ZNF544: variants seen among roughly 807,000 people sequenced by gnomAD.
ZNF544 encodes zinc finger protein AF020591.
In ZNF544, 10 loss-of-function variants were observed where a neutral mutation model predicts 13.5. That is an observed-to-expected ratio of 0.74 (90% CI 0.46 to 1.25). The LOEUF (loss-of-function observed/expected upper bound fraction) is 1.25, where lower values mean the gene tolerates loss of function less well. Ranked by LOEUF, ZNF544 falls within the 50% of genes most tolerant of loss-of-function variation. The pLI, the probability that ZNF544 is intolerant of heterozygous loss-of-function variation, is 0.00. For synonymous variants in ZNF544, 323 were observed against 300.5 expected, an observed-to-expected ratio of 1.07 and a Z score of -0.77; for missense variants, 896 against 845.6, an observed-to-expected ratio of 1.06 and a Z score of -0.74.
intron 3 of ZNF544, among the ~76,000 whole-genome samples, chr19:58,237,444 T>C (rs1568453453): frequency 6.6e-6 from 1 of 152,194 alleles, no homozygotes; most frequent in Non-Finnish European, 1.5e-5. Context: ...GCCGGCAGCT[T>C]GCTGGTCCTG....
intron 3 of ZNF544, among the ~76,000 whole-genome samples, chr19:58,236,691 C>A (rs548624215): frequency 6.6e-6 from 1 of 151,762 alleles, no homozygotes; most frequent in East Asian, 1.9e-4. Context: ...AGACTGTAGA[C>A]CTTATTTAGC....
At chr19:58,255,744 C>T (rs369981659) in intron 6 of ZNF544, among the ~76,000 whole-genome samples, 45 of 152,328 alleles carry the variant, frequency 3.0e-4, no homozygotes, top group African/African-American at 9.1e-4. Flanking sequence ...TGCGTGAGTT[C>T]GCCCTGGATG....
At position 58,273,434 on chromosome 19, in the gene ZNF544, T is replaced by G. The variant is rs1188503562; in HGVS notation, c.245-2889T>G. On this transcript the variant is annotated intron_variant, in intron 5 of 6. Transcript: ENST00000595981. ...GGCCGGGAACGATGGCTCACGCCTG[T>G]AATCCCAGCACTTTGGGAGGCCAAG... 3.9e-5 allele frequency among the ~76,000 whole-genome samples: 6 copies of G among 152,282 alleles called. No homozygotes were observed. The East Asian group carries it at 7.8e-4, about 20-fold the overall frequency.
At chr19:58,235,230 A>G (rs549608683) in intron 3 of ZNF544, among the ~76,000 whole-genome samples, 119 of 152,346 alleles carry the variant, frequency 7.8e-4, no homozygotes, top group African/African-American at 2.5e-3. Context: ...AGTGAATACT[A>G]TTGGCAACTA....
rs2048988533 is a variant in ZNF544, at chr19:58,261,703, G to A, written c.1097G>A (p.Cys366Tyr). Residue 366 changes from cysteine (C) to tyrosine (Y), a missense_variant, in exon 7 of 7, where the codon TGT becomes TAT. Coordinates refer to ENST00000687789, the MANE Select transcript of ZNF544 (RefSeq NM_014480.4). Reference sequence around the variant, plus strand: ...CAGTGTGGAAAATCTTTCAGCTGTTGTAAGCTCATACACCAGAGAACACAC... The same window carrying A: ...CAGTGTGGAAAATCTTTCAGCTGTTATAAGCTCATACACCAGAGAACACAC... ...CNQCGKSFSC[C>Y]KLIHQRTHTG... The A allele has an allele frequency of 6.2e-7, 1 of 1,614,222 alleles. No individual in the cohort carries two copies. The highest frequency in any genetic ancestry group is 1.3e-5 in the African/African-American group (1 of 75,066).
In ZNF544 at chr19:58,261,582, T is replaced by A. The variant is rs2048960074; in HGVS notation, c.976T>A (p.Phe326Ile). The stretch of plus-strand genomic sequence containing the variant: ...AAGAAGTGGCCCTGGAGAGACCCCC[T>A]TCAGATGTGAGGAACGCTGTGCTGC... ...TERSGPGETPFRCEERCAAFP... is the reference protein window; with the variant it reads ...TERSGPGETPIRCEERCAAFP... The change falls in exon 7 of 7, where the codon TTC (phenylalanine) becomes ATC (isoleucine). Residue 326 changes from phenylalanine to isoleucine, a missense_variant. By Grantham distance (21) the Phe-to-Ile change is conservative. Transcript: ENST00000687789. The A allele has an allele frequency of 6.2e-7, 1 of 1,614,192 alleles. No homozygotes were observed. The highest frequency in any genetic ancestry group is 8.5e-7 in the Non-Finnish European group (1 of 1,180,030).
chr19:58,275,701 C>T (rs1407612940), intron 5 of ZNF544, among the ~76,000 whole-genome samples: 7 of 148,910 alleles, frequency 4.7e-5, no homozygotes, highest in Non-Finnish European at 1.0e-4. Context: ...GGGAGAATCC[C>T]TTGAGCCCAA....
At chr19:58,246,850 C>A in intron 6 of ZNF544, 56 bp downstream of exon 6, 1 of 1,564,966 alleles carries the variant, frequency 6.4e-7, no homozygotes, top group Non-Finnish European at 8.8e-7. Flanking sequence ...GGACAGAGAG[C>A]TCTCCGCAGG....
At position 58,246,929 on chromosome 19, in the gene ZNF544, C is replaced by A. The variant is rs2045352709; in HGVS notation, c.244+135C>A. The A allele has an allele frequency of 4.2e-6, 3 of 712,146 alleles. No homozygotes were observed. The South Asian group carries it at 5.7e-5, about 14-fold the overall frequency. The allele number at this position is 712,146 out of a possible 1,614,324, so 44.1% of individuals were successfully genotyped here. On this transcript the variant is annotated intron_variant, in intron 6 of 6. Transcript: ENST00000687789. ...TTGGGTGCTCTTTGCAGCAGTTCAC[C>A]CATTCAAAGGAGTTCACCAATTCGA...
rs1490042923 is a variant in ZNF544, at chr19:58,228,939, G to A, written c.-239G>A. On this transcript the variant is annotated 5_prime_UTR_variant, in exon 1 of 7. Transcript: ENST00000687789. The stretch of plus-strand genomic sequence containing the variant: ...ACCGGAAGCACCGCCATTGGCCGGT[G>A]CGTGCAGGTGAGTCTGGCGGCCTCA... 1.3e-5 allele frequency: 2 copies of A among 152,304 alleles called. No homozygotes were observed. The highest frequency in any genetic ancestry group is 2.9e-5 in the Non-Finnish European group (2 of 68,090). The allele number at this position is 152,304 out of a possible 1,614,324, so 9.4% of individuals were successfully genotyped here.
rs199552785 is a variant in ZNF544 at position 58,260,918 on chromosome 19, C to T, written c.312C>T (p.Ser104=). The T allele has an allele frequency of 4.0e-5, 65 of 1,613,740 alleles. No individual in the cohort carries two copies. The highest frequency in any genetic ancestry group is 5.3e-5 in the Non-Finnish European group (62 of 1,179,972). ...SEKDRAREEL[S]HHVEVYRSGP... ...AAGATCGAGCTAGGGAAGAACTATC[C>T]CACCACGTGGAAGTGTACAGGAGTG... is the stretch of plus-strand genomic sequence containing the variant. The change falls in exon 7 of 7, where the codon TCC becomes TCT. Residue 104 remains serine, a synonymous_variant. Coordinates refer to ENST00000687789, the MANE Select transcript of ZNF544 (RefSeq NM_014480.4).
At chr19:58,250,984 C>A (rs904514357) in intron 6 of ZNF544, among the ~76,000 whole-genome samples, 1 of 152,166 alleles carries the variant, frequency 6.6e-6, no homozygotes, top group Non-Finnish European at 1.5e-5. Context: ...TAAAATAAAG[C>A]TGATTCCCAT....
intron 6 of ZNF544, among the ~76,000 whole-genome samples, chr19:58,253,962 C>T (rs1480221140): frequency 2.6e-5 from 4 of 152,198 alleles, no homozygotes; most frequent in Non-Finnish European, 5.9e-5. Context: ...CTTAAGTCGG[C>T]TGGGTGCGGT....
At position 58,261,026 on chromosome 19, in the gene ZNF544, G is replaced by C. The variant is rs1215882818; in HGVS notation, c.420G>C (p.Leu140Phe). 6.2e-7 allele frequency: 1 copy of C among 1,614,214 alleles called. No homozygotes were observed. Among genetic ancestry groups the C allele is most frequent in the South Asian group, 1.1e-5 (1 of 91,080 alleles). ...NQLREHQENS[L>F]RFMVLTSERL... ...TAAGGGAACACCAGGAGAACTCCTT[G>C]AGGTTCATGGTACTCACCTCAGAGA... Residue 140 changes from leucine to phenylalanine, a missense_variant, in exon 7 of 7, where the codon TTG becomes TTC. Physicochemically the swap from Leu to Phe is conservative, Grantham distance 22. Coordinates refer to ENST00000687789, the MANE Select transcript of ZNF544 (RefSeq NM_014480.4).
At position 58,246,691 on chromosome 19, in the gene ZNF544, C is replaced by A. The variant is rs772127184; in HGVS notation, c.161-20C>A. On this transcript the variant is annotated intron_variant, in intron 5 of 6. Transcript: ENST00000687789. The stretch of plus-strand genomic sequence containing the variant: ...TGGTGTCCAAGCAGAGGGGCAAGTC[C>A]TTTTTCCGTCTTTGACCAGGGCTTT... 1 of 1,613,182 alleles carries A rather than the reference C, an allele frequency of 6.2e-7. No homozygotes were observed. Among genetic ancestry groups the A allele is most frequent in the Non-Finnish European group, 8.5e-7 (1 of 1,179,580 alleles).
chr19:58,268,825 T>C (rs1279887284), downstream of ZNF544, among the ~76,000 whole-genome samples: 1 of 152,330 alleles, frequency 6.6e-6, no homozygotes, highest in Non-Finnish European at 1.5e-5. Flanking sequence ...TACAGGGACA[T>C]AGAACGTACT....
Position 58,262,785 on chromosome 19 carries a change from CAG to C in ZNF544, c.*34_*35del. ...CAGTCATTGTGGGAAAGCTTTCATC[CAG>C]AGGTCTCCCCTCATCATGCACCAGA... On this transcript the variant is annotated 3_prime_UTR_variant, in exon 7 of 7. Coordinates refer to ENST00000687789, the MANE Select transcript of ZNF544 (RefSeq NM_014480.4). 6.4e-7 allele frequency: 1 copy of C among 1,563,480 alleles called. No homozygotes were observed.
rs184102503 is a variant in ZNF544, at chr19:58,253,070, G to T, written c.244+6276G>T. Among the ~76,000 whole-genome samples the T allele has an allele frequency of 3.2e-3, 485 of 152,284 alleles. 2 individuals are homozygous for T. Among genetic ancestry groups the T allele is most frequent in the African/African-American group, 0.011 (467 of 41,560 alleles). On this transcript the variant is annotated intron_variant, in intron 6 of 6. Coordinates refer to ENST00000687789, the MANE Select transcript of ZNF544 (RefSeq NM_014480.4). ...CCTGACCTTGTGATCCACCCACCTT[G>T]GCCTCCCAAAGTGCTGGGATTATAG...
At chr19:58,273,498 G>A (rs2050905386) in intron 5 of ZNF544, among the ~76,000 whole-genome samples, 1 of 151,898 alleles carries the variant, frequency 6.6e-6, no homozygotes, top group Non-Finnish European at 1.5e-5. Flanking sequence ...AGACCCGCCT[G>A]GCCAACAGGC....
Sources: gnomAD v4.1 joint callset for allele counts (sites outside exome capture counted in the v4.1 genomes callset) on GRCh38, gnomAD v4.1.1 for gene constraint, MANE v1.5 for transcripts, NCBI Gene and HGNC (gene_info 2026-07-23, HGNC 2026-07-21) for gene names.